CD6: variants seen among roughly 807,000 people sequenced by gnomAD.
The protein encoded by CD6 is T-cell differentiation antigen CD6.
CD6 carries 53 observed loss-of-function variants against 75.3 expected under a neutral mutation model. That is an observed-to-expected ratio of 0.70 (90% confidence interval 0.56 to 0.88). The LOEUF (loss-of-function observed/expected upper bound fraction) is 0.88. CD6 is among the 40% of genes least tolerant of loss of function. The pLI is 0.00. For synonymous variants in CD6, 359 were observed against 381.5 expected (o/e 0.94, Z 0.69); for missense variants, 770 against 897.1 (o/e 0.86, Z 1.81).
At chr11:60,994,018 CGTT>C (rs1858171967) in intron 1 of CD6, among the ~76,000 whole-genome samples, 1 of 152,242 alleles carries the variant, frequency 6.6e-6, no homozygotes, top group Admixed American at 6.5e-5. Context: ...GAGTAGGAAA[CGTT>C]GTCTTTTACT....
intron 1 of CD6, among the ~76,000 whole-genome samples, chr11:60,999,258 T>C (rs1228592658): frequency 6.6e-6 from 1 of 151,852 alleles, no homozygotes; most frequent in East Asian, 1.9e-4. Flanking sequence ...TTTACTGATA[T>C]TCTTTTAGCA....
chr11:61,017,637 C>A, intron 10 of CD6, 87 bp downstream of exon 10: 6 of 1,572,394 alleles, frequency 3.8e-6, no homozygotes, highest in Non-Finnish European at 5.3e-6. Flanking sequence ...GCAGGAACCT[C>A]CCTCAATGAG....
At chr11:60,977,808 T>C (rs763347921) in intron 1 of CD6, among the ~76,000 whole-genome samples, 2 of 152,178 alleles carry the variant, frequency 1.3e-5, no homozygotes, top group African/African-American at 2.4e-5. Flanking sequence ...CTTTCTTAAT[T>C]GATGTTTTAA....
chr11:60,999,320 T>C (rs1047719441), intron 1 of CD6, among the ~76,000 whole-genome samples: 1 of 151,182 alleles, frequency 6.6e-6, no homozygotes, highest in African/African-American at 2.4e-5. Flanking sequence ...GGGGTGATGC[T>C]TAGAATCTAG....
chr11:60,972,105 T>A (rs1412642998), intron 1 of CD6, among the ~76,000 whole-genome samples, 191 bp downstream of exon 1: 1 of 152,198 alleles, frequency 6.6e-6, no homozygotes, highest in African/African-American at 2.4e-5. Flanking sequence ...GGGCTGGGGC[T>A]GTGCCTGGAA....
chr11:61,008,526 A>G lies in CD6; in HGVS notation c.470-8A>G, dbSNP rs746032180. The G allele has an allele frequency of 7.0e-6, 11 of 1,579,118 alleles. No individual in the cohort carries two copies. The highest frequency in any genetic ancestry group is 8.6e-6 in the Non-Finnish European group (10 of 1,161,402). On this transcript the variant is annotated splice_region_variant and splice_polypyrimidine_tract_variant and intron_variant, in intron 3 of 12. Transcript: ENST00000313421. ...GCCCCAGCATCCACAACCCCCTCCC[A>G]CCCCTAGAGAACCGCGCGCTGCGCC...
intron 1 of CD6, among the ~76,000 whole-genome samples, chr11:61,004,025 G>T (rs1419143277): frequency 6.6e-6 from 1 of 152,152 alleles, no homozygotes; most frequent in Non-Finnish European, 1.5e-5. Flanking sequence ...ACACTGTGGG[G>T]GACACAGGGC....
At chr11:61,013,267 CCA>C (rs1300770758) in intron 6 of CD6, among the ~76,000 whole-genome samples, 154 bp from the exon 7 acceptor site, 1 of 152,120 alleles carries the variant, frequency 6.6e-6, no homozygotes, top group African/African-American at 2.4e-5. Flanking sequence ...CTAATATACA[CCA>C]CACACTTAAA....
rs376777385 is a variant in CD6, at chr11:61,009,977, CA to C, written c.1084+105del. ...AGGACCACAATAGGCACCAGATCGGCAATGGCACATATGGCATAAGAAGGAC... is the reference window on the plus strand; with the variant it reads ...AGGACCACAATAGGCACCAGATCGGCATGGCACATATGGCATAAGAAGGAC... On this transcript the variant is annotated intron_variant, in intron 5 of 12. Coordinates refer to ENST00000313421, the MANE Select transcript of CD6 (RefSeq NM_006725.5). 1,851 of 1,150,230 alleles carry C rather than the reference CA, an allele frequency of 1.6e-3. 6 individuals are homozygous for C. Among genetic ancestry groups the C allele is most frequent in the East Asian group, 0.011 (430 of 40,058 alleles). The allele number at this position is 1,150,230 out of a possible 1,614,324, so 71.3% of individuals were successfully genotyped here. A position where few individuals can be genotyped will look rare whatever the true frequency, so the allele number is the denominator to read the frequency against.
intron 1 of CD6, among the ~76,000 whole-genome samples, chr11:60,972,369 A>G (rs1225782549): frequency 6.6e-6 from 1 of 152,214 alleles, no homozygotes; most frequent in Non-Finnish European, 1.5e-5. Context: ...CTCCCGAAAC[A>G]GGACTCAGGG....
intron 5 of CD6, 131 bp downstream of exon 5, chr11:61,010,005 G>A (rs1313816140): frequency 6.9e-6 from 6 of 873,130 alleles, no homozygotes; most frequent in African/African-American, 3.4e-5. Context: ...AAGAAGGACT[G>A]TTGTCCTTAC....
chr11:61,011,965 G>GT (rs1226244404), intron 6 of CD6, among the ~76,000 whole-genome samples: 2 of 152,238 alleles, frequency 1.3e-5, no homozygotes, highest in African/African-American at 4.8e-5. Context: ...CTCAAAGACA[G>GT]TAAGAACTGT....
Position 61,019,473 on chromosome 11 carries a change from C to G in CD6, c.*155C>G, listed in dbSNP as rs1859576249. 1 of 531,020 alleles carries G rather than the reference C, an allele frequency of 1.9e-6. No individual in the cohort carries two copies. Among genetic ancestry groups the G allele is most frequent in the Admixed American group, 3.4e-5 (1 of 29,000 alleles). 32.9% of individuals were successfully genotyped at this position (531,020 alleles called of 1,614,324 possible). A position where few individuals can be genotyped will look rare whatever the true frequency, so the allele number is the denominator to read the frequency against. On this transcript the variant is annotated 3_prime_UTR_variant, in exon 13 of 13. Transcript: ENST00000313421. ...GAAGGAAACGTTATACCTTGTACCC[C>G]TCGGTCTCCATCCATCAAGCCAAAC...
chr11:60,986,445 T>C (rs1857818812), intron 1 of CD6, among the ~76,000 whole-genome samples: 1 of 152,184 alleles, frequency 6.6e-6, no homozygotes, highest in Admixed American at 6.5e-5. Context: ...CCCAAAGCTC[T>C]CTGAGGTAAA....
At position 61,018,326 on chromosome 11, in the gene CD6, C is replaced by T. The variant is rs111507268; in HGVS notation, c.1875C>T (p.Ser625=). The T allele has an allele frequency of 1.2e-5, 19 of 1,608,166 alleles. No individual in the cohort carries two copies. Among genetic ancestry groups the T allele is most frequent in the African/African-American group, 4.0e-5 (3 of 74,824 alleles). The change falls in exon 12 of 13, where the codon TCC becomes TCT. Residue 625 remains serine (S), a synonymous_variant. Coordinates refer to ENST00000313421, the MANE Select transcript of CD6 (RefSeq NM_006725.5). ...CTGATGACAGCTCCAGCACCTCATC[C>T]GGGGAGTGGTACCAGAACTTCCAGC... ...PPADDSSSTS[S]GEWYQNFQPP...
At chr11:60,980,289 G>A (rs899457218) in intron 1 of CD6, among the ~76,000 whole-genome samples, 1 of 152,044 alleles carries the variant, frequency 6.6e-6, no homozygotes, top group African/African-American at 2.4e-5. Context: ...GGAGGCCGAA[G>A]TCCAAGAGTT....
chr11:61,018,863 T>A, intron 12 of CD6: 1 of 248,088 alleles, frequency 4.0e-6, no homozygotes, highest in Non-Finnish European at 7.7e-6. Context: ...TATGAAGAGG[T>A]GGGGAAAATG....
At chr11:60,973,233 C>G (rs1053651939) in intron 1 of CD6, among the ~76,000 whole-genome samples, 1 of 152,196 alleles carries the variant, frequency 6.6e-6, no homozygotes, top group Non-Finnish European at 1.5e-5. Flanking sequence ...GGCGTCCGAG[C>G]CTTGGCAGCT....
chr11:60,987,750 A>T (rs1857884191), intron 1 of CD6, among the ~76,000 whole-genome samples: 1 of 123,148 alleles, frequency 8.1e-6, no homozygotes, highest in Non-Finnish European at 1.8e-5. Context: ...GAGAACTCCT[A>T]CTCATCCTCT....
Sources: gnomAD v4.1 joint callset for allele counts (sites outside exome capture counted in the v4.1 genomes callset) on GRCh38, gnomAD v4.1.1 for gene constraint, MANE v1.5 for transcripts, NCBI Gene and HGNC (gene_info 2026-07-23, HGNC 2026-07-21) for gene names.